The following CLMP variants were observed in gnomAD, a reference collection of about 807,000 sequenced individuals.
CLMP encodes the protein CXADR like cell adhesion molecule, also known as CXADR-like membrane protein.
A neutral mutation model predicts 45.2 loss-of-function variants in CLMP; 27 were observed. The observed-to-expected ratio is 0.60, with a 90% CI of 0.44 to 0.82. The LOEUF (loss-of-function observed/expected upper bound fraction) is 0.82. CLMP is among the 40% of genes least tolerant of loss of function. The probability of loss-of-function intolerance (pLI) is 0.00; values close to 1 mark genes in which losing one functional copy is unlikely to be tolerated. For missense variants in CLMP, 403 were observed against 448.4 expected (o/e 0.90, Z 0.91); for synonymous variants, 167 against 171.4 (o/e 0.97, Z 0.20).
chr11:123,089,531 C>T (rs545874779), intron 2 of CLMP, among the ~76,000 whole-genome samples: 13 of 151,728 alleles, frequency 8.6e-5, no homozygotes, highest in African/African-American at 2.9e-4. Context: ...TTTGGGAGGC[C>T]GAGGCGGGCG....
At chr11:123,131,036 G>T (rs1591470492) in intron 1 of CLMP, among the ~76,000 whole-genome samples, 1 of 151,656 alleles carries the variant, frequency 6.6e-6, no homozygotes, top group Non-Finnish European at 1.5e-5. Flanking sequence ...AGAGACAGGG[G>T]TTCACCATGT....
At chr11:123,105,525 G>C (rs1591459578) in intron 1 of CLMP, among the ~76,000 whole-genome samples, 1 of 151,730 alleles carries the variant, frequency 6.6e-6, no homozygotes, top group Admixed American at 6.6e-5. Flanking sequence ...CCGCCTCCTG[G>C]GTTCAAGCGA....
chr11:123,114,033 C>A (rs182109285), intron 1 of CLMP, among the ~76,000 whole-genome samples: 1 of 152,276 alleles, frequency 6.6e-6, no homozygotes, highest in East Asian at 1.9e-4. Context: ...TAACCTATTT[C>A]ATTGACATGT....
intron 1 of CLMP, among the ~76,000 whole-genome samples, chr11:123,122,370 C>T (rs961456924): frequency 6.6e-6 from 1 of 152,062 alleles, no homozygotes; most frequent in Admixed American, 6.6e-5. Flanking sequence ...TTTTATCCTC[C>T]CACTTCCCCT....
chr11:123,163,780 G>A (rs938548158), intron 1 of CLMP, among the ~76,000 whole-genome samples: 10 of 152,186 alleles, frequency 6.6e-5, no homozygotes, highest in South Asian at 2.1e-4. Flanking sequence ...ATTAATTTGC[G>A]TGGAGGCTGA....
chr11:123,136,444 C>A (rs1254081112), intron 1 of CLMP: 3 of 413,712 alleles, frequency 7.3e-6, no homozygotes, highest in Non-Finnish European at 1.3e-5. Flanking sequence ...CTTGTCCCCC[C>A]CCACCCCACC....
chr11:123,086,920 G>T (rs1211264515), intron 2 of CLMP, among the ~76,000 whole-genome samples: 1 of 152,162 alleles, frequency 6.6e-6, no homozygotes, highest in African/African-American at 2.4e-5. Context: ...GTAACTGGGT[G>T]CGGTGGCTCA....
intron 1 of CLMP, among the ~76,000 whole-genome samples, chr11:123,162,660 T>C (rs774046454): frequency 6.7e-6 from 1 of 150,290 alleles, no homozygotes; most frequent in Non-Finnish European, 1.5e-5. Flanking sequence ...CTTTGGGAGG[T>C]CAAGGTGGGC....
intron 1 of CLMP, among the ~76,000 whole-genome samples, chr11:123,112,456 G>A (rs902011219): frequency 5.3e-5 from 8 of 151,040 alleles, no homozygotes; most frequent in African/African-American, 1.9e-4. Flanking sequence ...TCCTGCCTCA[G>A]CCTCCCAAGT....
chr11:123,171,217 G>T lies in CLMP; in HGVS notation c.28+23696C>A, dbSNP rs533989467. Among the ~76,000 whole-genome samples the T allele has an allele frequency of 2.0e-5, 3 of 152,162 alleles. No homozygotes were observed. The South Asian group carries it at 6.2e-4, about 32-fold the overall frequency. On this transcript the variant is annotated intron_variant, in intron 1 of 6. Transcript: ENST00000448775. ...GCATGAAGACCAGAAGATCTGAAAG[G>T]GTCTGGCCTGTGTGGGGAACAGCAA... is the stretch of plus-strand genomic sequence containing the variant.
intron 1 of CLMP, among the ~76,000 whole-genome samples, chr11:123,189,185 T>C (rs1431402875): frequency 6.6e-6 from 1 of 152,210 alleles, no homozygotes; most frequent in African/African-American, 2.4e-5. Context: ...GGGTAATAAA[T>C]GTTTAGCAGA....
intron 6 of CLMP, among the ~76,000 whole-genome samples, chr11:123,074,088 ATTC>A (rs1318296789): frequency 6.6e-6 from 1 of 152,006 alleles, no homozygotes. Context: ...GGCTATGTCC[ATTC>A]TTCATTGTAT....
intron 1 of CLMP, among the ~76,000 whole-genome samples, chr11:123,176,005 C>G (rs574930512): frequency 6.6e-6 from 1 of 152,088 alleles, no homozygotes; most frequent in East Asian, 2.0e-4. Flanking sequence ...CATTGCCTCA[C>G]AGGGGAGTAA....
At chr11:123,121,002 C>G (rs1035312410) in intron 1 of CLMP, among the ~76,000 whole-genome samples, 7 of 151,684 alleles carry the variant, frequency 4.6e-5, no homozygotes, top group Non-Finnish European at 2.9e-5. Flanking sequence ...GTGGCAGGAG[C>G]CTGTAGTCCC....
At chr11:123,126,405 T>A (rs909163646) in intron 1 of CLMP, among the ~76,000 whole-genome samples, 1 of 152,180 alleles carries the variant, frequency 6.6e-6, no homozygotes, top group Non-Finnish European at 1.5e-5. Context: ...AATTTATCAA[T>A]ATATTAATCA....
rs192589557 is a variant in CLMP, at chr11:123,072,914, T to G, written c.*560A>C. The G allele has an allele frequency of 1.3e-5, 2 of 152,408 alleles. No homozygotes were observed. Among genetic ancestry groups the G allele is most frequent in the African/African-American group, 4.8e-5 (2 of 41,470 alleles). The allele number at this position is 152,408 out of a possible 1,614,324, so 9.4% of individuals were successfully genotyped here. ...CCTTGAAATTAATATCCAAACCTTA[T>G]GACAAATGAAGTTAAGTCAGAATAG... On this transcript the variant is annotated 3_prime_UTR_variant, in exon 7 of 7. Coordinates refer to ENST00000448775, the MANE Select transcript of CLMP (RefSeq NM_024769.5).
intron 1 of CLMP, among the ~76,000 whole-genome samples, chr11:123,156,578 G>T (rs1861418678): frequency 6.6e-6 from 1 of 152,244 alleles, no homozygotes; most frequent in Non-Finnish European, 1.5e-5. Context: ...TGGAAGAAGT[G>T]AGGGAGAGGG....
chr11:123,096,329 G>A lies in CLMP; in HGVS notation c.186+1466C>T, dbSNP rs189778592. ...AGATGGCACCACAGCACTCCAGCCTGGGCGACAGAGTGAGACTTCATCTCA... is the reference window on the plus strand; with the variant it reads ...AGATGGCACCACAGCACTCCAGCCTAGGCGACAGAGTGAGACTTCATCTCA... On this transcript the variant is annotated intron_variant, in intron 2 of 6. Coordinates refer to ENST00000448775, the MANE Select transcript of CLMP (RefSeq NM_024769.5). 5.9e-5 allele frequency among the ~76,000 whole-genome samples: 9 copies of A among 152,186 alleles called. No homozygotes were observed. In the East Asian group the frequency reaches 1.7e-3, roughly 29 times the overall value.
intron 2 of CLMP, among the ~76,000 whole-genome samples, chr11:123,091,808 C>T (rs1003841395): frequency 7.9e-5 from 12 of 152,170 alleles, no homozygotes; most frequent in African/African-American, 2.9e-4. Flanking sequence ...CAATTCCACA[C>T]GTTTGTGTAG....
Sources: allele counts gnomAD v4.1 joint callset (sites outside exome capture counted in the v4.1 genomes callset), GRCh38; gene constraint gnomAD v4.1.1; transcripts MANE v1.5; gene names NCBI Gene and HGNC (gene_info 2026-07-23, HGNC 2026-07-21).